Variants in REPS1 observed in about 807,000 individuals in gnomAD.
REPS1 encodes the protein ralBP1-associated Eps domain-containing protein 1.
A neutral mutation model predicts 100.9 loss-of-function variants in REPS1; 39 were observed. The ratio of observed to expected loss-of-function variants is 0.39; its 90% CI spans 0.30 to 0.50. The LOEUF (loss-of-function observed/expected upper bound fraction) is 0.50, where lower values mean the gene tolerates loss of function less well. Ranked by LOEUF, REPS1 falls within the 20% of genes least tolerant of loss-of-function variation. The pLI, the probability that REPS1 is intolerant of heterozygous loss-of-function variation, is 0.86. For missense variants in REPS1, 821 were observed against 968.5 expected (o/e 0.85, Z 2.02); for synonymous variants, 324 against 340.3 (o/e 0.95, Z 0.53).
intron 4 of REPS1, 147 bp downstream of exon 4, chr6:138,945,072 T>C: frequency 1.7e-6 from 1 of 599,820 alleles, no homozygotes; most frequent in Non-Finnish European, 2.6e-6. Flanking sequence ...ATTGTTACTT[T>C]CAAAAAATCT....
At chr6:138,945,771 A>C in intron 2 of REPS1, 74 bp from the exon 3 acceptor site, 1 of 1,188,310 alleles carries the variant, frequency 8.4e-7, no homozygotes, top group Non-Finnish European at 1.1e-6. Flanking sequence ...TAAGACATGA[A>C]TTAGATATTA....
Position 138,987,976 on chromosome 6 carries a change from G to C in REPS1, c.-294C>G, listed in dbSNP as rs1432676788. The C allele has an allele frequency of 7.7e-6, 3 of 390,824 alleles. No individual in the cohort carries two copies. In the Admixed American group the frequency reaches 1.3e-4, roughly 17 times the overall value. 24.2% of individuals were successfully genotyped at this position (390,824 alleles called of 1,614,324 possible). On this transcript the variant is annotated 5_prime_UTR_variant, in exon 1 of 20. Coordinates refer to ENST00000450536, the MANE Select transcript of REPS1 (RefSeq NM_001286611.2). ...CGGCTCCGGCCGCGGGGAGGGTGCA[G>C]AGAAAGAGGCGGGGGCCGCGGAGGC...
At position 138,914,681 on chromosome 6, in the gene REPS1, T is replaced by A; in HGVS notation, c.1785+16A>T. 6.2e-7 allele frequency: 1 copy of A among 1,602,602 alleles called. No individual in the cohort carries two copies. The highest frequency in any genetic ancestry group is 2.2e-5 in the East Asian group (1 of 44,800). On this transcript the variant is annotated intron_variant, in intron 15 of 19. Coordinates refer to ENST00000450536, the MANE Select transcript of REPS1 (RefSeq NM_001286611.2). The stretch of plus-strand genomic sequence containing the variant: ...TGATCATGGGACATTTAGTAATAAA[T>A]ACCTTGGAGAATTACCTGTGAGGGC...
chr6:138,962,766 A>G (rs916696601), intron 1 of REPS1, among the ~76,000 whole-genome samples: 1 of 152,168 alleles, frequency 6.6e-6, no homozygotes, highest in Non-Finnish European at 1.5e-5. Flanking sequence ...TATGTCTCCC[A>G]AAAGAATGAG....
intron 19 of REPS1, chr6:138,907,252 C>T (rs1434899891): frequency 3.2e-6 from 1 of 310,958 alleles, no homozygotes; most frequent in Non-Finnish European, 6.0e-6. Context: ...GGGAGGATAG[C>T]TTGAGCCCAG....
At chr6:138,983,449 T>C (rs563620919) in intron 1 of REPS1, among the ~76,000 whole-genome samples, 1 of 151,404 alleles carries the variant, frequency 6.6e-6, no homozygotes, top group Non-Finnish European at 1.5e-5. Context: ...AGCGAGAGAC[T>C]GTCTCAAAAA....
chr6:138,946,166 A>G (rs1782600656), intron 2 of REPS1, among the ~76,000 whole-genome samples: 1 of 152,126 alleles, frequency 6.6e-6, no homozygotes, highest in Non-Finnish European at 1.5e-5. Context: ...AAGATTTTAG[A>G]CCTCTAAGTA....
At chr6:138,934,621 T>A (rs1433572627) in intron 8 of REPS1, among the ~76,000 whole-genome samples, 1 of 152,206 alleles carries the variant, frequency 6.6e-6, no homozygotes, top group Non-Finnish European at 1.5e-5. Context: ...AACCTACACA[T>A]CCTAAATTTC....
At chr6:138,908,380 C>T (rs769201520) in intron 18 of REPS1, among the ~76,000 whole-genome samples, 1 of 152,058 alleles carries the variant, frequency 6.6e-6, no homozygotes, top group African/African-American at 2.4e-5. Flanking sequence ...CTGCAACCTC[C>T]GCCTCCTGGG....
chr6:138,924,997 G>C (rs1781006718), intron 10 of REPS1, among the ~76,000 whole-genome samples: 1 of 152,096 alleles, frequency 6.6e-6, no homozygotes, highest in Non-Finnish European at 1.5e-5. Flanking sequence ...TTATCTGTTT[G>C]AATTCAATAA....
At chr6:138,957,123 T>A (rs925129199) in intron 1 of REPS1, among the ~76,000 whole-genome samples, 9 of 151,956 alleles carry the variant, frequency 5.9e-5, no homozygotes, top group Non-Finnish European at 2.9e-5. Context: ...GAGTAAATCA[T>A]TAAAGTAAGA....
chr6:138,975,448 C>CA (rs1784550443), intron 1 of REPS1, among the ~76,000 whole-genome samples: 1 of 152,186 alleles, frequency 6.6e-6, no homozygotes, highest in African/African-American at 2.4e-5. Context: ...GTTTGAAGAA[C>CA]AACAGACAAT....
chr6:138,970,854 T>C (rs1038921731), intron 1 of REPS1, among the ~76,000 whole-genome samples: 2 of 152,070 alleles, frequency 1.3e-5, no homozygotes, highest in Non-Finnish European at 2.9e-5. Flanking sequence ...GTACAGGCAG[T>C]AGAGAAGAAA....
rs1782237569 is a variant in REPS1 at position 138,941,368 on chromosome 6, T to C, written c.1102A>G (p.Met368Val). 1 of 1,614,100 alleles carries C rather than the reference T, an allele frequency of 6.2e-7. No individual in the cohort carries two copies. Among genetic ancestry groups the C allele is most frequent in the Admixed American group, 1.7e-5 (1 of 60,016 alleles). Residue 368 changes from methionine (M) to valine (V), a missense_variant, in exon 8 of 20, where the codon ATG (methionine) becomes GTG (valine). Transcript: ENST00000450536. ...DLPEKLPESL[M>V]PKLIDLEDSA... ...TCTTCCAAATCAATCAGTTTGGGCATTAAGCTTTCAGGAAGTTTTTCTGGT... is the reference window on the plus strand; with the variant it reads ...TCTTCCAAATCAATCAGTTTGGGCACTAAGCTTTCAGGAAGTTTTTCTGGT...
intron 10 of REPS1, among the ~76,000 whole-genome samples, chr6:138,924,089 T>G (rs184420276): frequency 1.3e-5 from 2 of 152,250 alleles, no homozygotes; most frequent in Non-Finnish European, 2.9e-5. Flanking sequence ...TTAAGAAACT[T>G]AGACACTGTA....
rs369809494 is a variant in REPS1 at position 138,905,039 on chromosome 6, A to C, written c.*25T>G. 3.7e-6 allele frequency: 6 copies of C among 1,611,874 alleles called. No individual in the cohort carries two copies. Among genetic ancestry groups the C allele is most frequent in the African/African-American group, 1.3e-5 (1 of 74,906 alleles). On this transcript the variant is annotated 3_prime_UTR_variant, in exon 20 of 20. Coordinates refer to ENST00000450536, the MANE Select transcript of REPS1 (RefSeq NM_001286611.2). ...AACCCAAAACCACTTAAAAACAAGTATGTTCACAGTTAACGGCAATTGGCT... is the reference window on the plus strand; with the variant it reads ...AACCCAAAACCACTTAAAAACAAGTCTGTTCACAGTTAACGGCAATTGGCT...
intron 1 of REPS1, among the ~76,000 whole-genome samples, chr6:138,985,654 C>T (rs1269883475): frequency 5.9e-5 from 9 of 152,228 alleles, no homozygotes; most frequent in African/African-American, 1.7e-4. Context: ...GGAGTTCCAA[C>T]TTGTAACTGA....
At chr6:138,944,704 G>T in intron 4 of REPS1, 82 bp from the exon 5 acceptor site, 2 of 1,346,240 alleles carry the variant, frequency 1.5e-6, no homozygotes, top group Non-Finnish European at 1.0e-6. Context: ...CTCTTACTCT[G>T]AAGAAATCTA....
intron 8 of REPS1, 45 bp downstream of exon 8, chr6:138,941,290 G>T: frequency 6.3e-7 from 1 of 1,595,718 alleles, no homozygotes; most frequent in Middle Eastern, 1.7e-4. Context: ...CAAGCATTAT[G>T]TTTATCAAGG....
Sources: allele counts gnomAD v4.1 joint callset (sites outside exome capture counted in the v4.1 genomes callset), GRCh38; gene constraint gnomAD v4.1.1; transcripts MANE v1.5; gene names NCBI Gene and HGNC (gene_info 2026-07-23, HGNC 2026-07-21).